Variants in PUM1 observed in about 807,000 individuals in gnomAD.
The protein encoded by PUM1 is pumilio homolog 1.
Under a neutral mutation model 131.8 loss-of-function variants are expected in PUM1, and 13 were observed. The observed-to-expected ratio is 0.10, with a 90% confidence interval of 0.06 to 0.16. The LOEUF (loss-of-function observed/expected upper bound fraction) is 0.16. Among genes scored for constraint, PUM1 ranks in the 10% least tolerant of loss-of-function variants. The pLI is 1.00. For synonymous variants in PUM1, 509 were observed against 556.5 expected (o/e 0.91, Z 1.20); for missense variants, 961 against 1,512.4 (o/e 0.64, Z 6.05).
At chr1:31,064,000 A>AT (rs34390845) in intron 1 of PUM1, among the ~76,000 whole-genome samples, 31 of 152,262 alleles carry the variant, frequency 2.0e-4, no homozygotes, top group African/African-American at 4.8e-4. Context: ...TTAAAATGTG[A>AT]TTTTTTTACA....
At chr1:31,056,235 C>A (rs1005244263) in intron 2 of PUM1, among the ~76,000 whole-genome samples, 1 of 152,162 alleles carries the variant, frequency 6.6e-6, no homozygotes, top group African/African-American at 2.4e-5. Flanking sequence ...CTAATTCAAT[C>A]ACCAAATTCT....
At chr1:30,960,796 A>G (rs893986088) in intron 14 of PUM1, among the ~76,000 whole-genome samples, 3 of 152,154 alleles carry the variant, frequency 2.0e-5, no homozygotes, top group African/African-American at 7.2e-5. Context: ...AATTAACTCA[A>G]AATGGATCAC....
chr1:30,942,515 C>T (rs973153315), intron 18 of PUM1, among the ~76,000 whole-genome samples: 1 of 151,926 alleles, frequency 6.6e-6, no homozygotes, highest in Non-Finnish European at 1.5e-5. Flanking sequence ...GGGACCAAAT[C>T]CTGAATGCTT....
chr1:31,040,510 GAAACTGCAC>G (rs1643781393), intron 2 of PUM1, among the ~76,000 whole-genome samples: 1 of 152,190 alleles, frequency 6.6e-6, no homozygotes, highest in Non-Finnish European at 1.5e-5. Flanking sequence ...AGTATGCTGA[GAAACTGCAC>G]AAACTATAAA....
At chr1:30,933,439 T>TACACAC (rs58664754) in intron 21 of PUM1, 97 bp from the exon 22 acceptor site, 4,484 of 363,316 alleles carry the variant, frequency 0.012, 43 homozygotes, top group South Asian at 0.016. Flanking sequence ...CACACACACA[T>TACACAC]ACACACACAC....
intron 3 of PUM1, among the ~76,000 whole-genome samples, chr1:31,014,859 T>C (rs1570274820): frequency 6.6e-6 from 1 of 151,510 alleles, no homozygotes; most frequent in African/African-American, 2.4e-5. Flanking sequence ...GTGGGCCTGG[T>C]GCAGTGGCCC....
intron 18 of PUM1, among the ~76,000 whole-genome samples, chr1:30,944,562 T>C (rs1639590885): frequency 6.6e-6 from 1 of 152,238 alleles, no homozygotes; most frequent in Non-Finnish European, 1.5e-5. Flanking sequence ...AAGTTATCTC[T>C]GGTTATTTGG....
chr1:31,003,957 G>A (rs959356901), intron 5 of PUM1, among the ~76,000 whole-genome samples: 3 of 152,146 alleles, frequency 2.0e-5, no homozygotes, highest in African/African-American at 7.2e-5. Flanking sequence ...CAGATTTGGA[G>A]AATTTTCATT....
At chr1:30,942,451 G>A (rs1485539753) in intron 18 of PUM1, among the ~76,000 whole-genome samples, 2 of 151,760 alleles carry the variant, frequency 1.3e-5, no homozygotes, top group Non-Finnish European at 2.9e-5. Context: ...AGTCAAGTGT[G>A]TCAACTGACA....
chr1:31,043,671 C>T (rs538815875), intron 2 of PUM1, among the ~76,000 whole-genome samples: 20 of 152,252 alleles, frequency 1.3e-4, no homozygotes, highest in Non-Finnish European at 2.5e-4. Context: ...AAAGAGTTTA[C>T]GGAGCTCACT....
rs970876022 is a variant in PUM1, at chr1:30,941,291, G to C, written c.3121-19C>G. On this transcript the variant is annotated intron_variant, in intron 19 of 21. Transcript: ENST00000426105. ...ATTGATCCTGTTTGAGAAACAGTAA[G>C]AGAAATAAAATGTATGTGAAAGCCA... The C allele has an allele frequency of 8.1e-6, 13 of 1,604,218 alleles. No homozygotes were observed. Among genetic ancestry groups the C allele is most frequent in the African/African-American group, 1.3e-5 (1 of 74,846 alleles).
In PUM1 at chr1:30,952,449, C is replaced by T. The variant is rs533576526; in HGVS notation, c.2592-86G>A. 22 of 1,587,746 alleles carry T rather than the reference C, an allele frequency of 1.4e-5. No individual in the cohort carries two copies. In the Admixed American group the frequency reaches 3.3e-4, roughly 24 times the overall value. ...TGTACCTCGGTTTATAGACTGCATCCGTTCTGAAACATGTGAGTGAGCATG... is the reference window on the plus strand; with the variant it reads ...TGTACCTCGGTTTATAGACTGCATCTGTTCTGAAACATGTGAGTGAGCATG... On this transcript the variant is annotated intron_variant, in intron 15 of 21. Coordinates refer to ENST00000426105, the MANE Select transcript of PUM1 (RefSeq NM_001020658.2).
intron 17 of PUM1, among the ~76,000 whole-genome samples, chr1:30,948,734 A>G (rs915160266): frequency 1.3e-5 from 2 of 152,220 alleles, no homozygotes; most frequent in East Asian, 1.9e-4. Flanking sequence ...TGGGTGACAG[A>G]GTGAGACCTT....
chr1:30,958,397 A>C (rs1277414999), intron 14 of PUM1, among the ~76,000 whole-genome samples: 2 of 152,314 alleles, frequency 1.3e-5, no homozygotes, highest in East Asian at 1.9e-4. Flanking sequence ...TTCTGAAGTA[A>C]TGAACAACCA....
chr1:30,946,752 A>T (rs1382394953), intron 17 of PUM1, among the ~76,000 whole-genome samples: 1 of 151,882 alleles, frequency 6.6e-6, no homozygotes, highest in Non-Finnish European at 1.5e-5. Flanking sequence ...CTATTTGCAC[A>T]CTGTATTAAA....
chr1:31,018,703 G>A (rs4607940), intron 3 of PUM1, among the ~76,000 whole-genome samples: 100,849 of 151,968 alleles, frequency 0.66, 34,386 homozygotes, highest in East Asian at 0.87. Context: ...ATAAATTTCA[G>A]AAGAGTCATT....
intron 14 of PUM1, among the ~76,000 whole-genome samples, chr1:30,956,456 G>T (rs1193027738): frequency 2.0e-5 from 3 of 152,012 alleles, no homozygotes; most frequent in African/African-American, 7.3e-5. Context: ...TAGAGATGGG[G>T]TTTCACCATG....
intron 10 of PUM1, among the ~76,000 whole-genome samples, chr1:30,970,837 C>T (rs1241894180): frequency 1.3e-5 from 2 of 152,136 alleles, no homozygotes; most frequent in Non-Finnish European, 2.9e-5. Context: ...GAAAGCATTG[C>T]TTTCACAGAA....
chr1:30,935,730 C>T (rs1322592823), intron 21 of PUM1: 2 of 447,404 alleles, frequency 4.5e-6, no homozygotes, highest in Non-Finnish European at 9.0e-6. Flanking sequence ...TTCTCATTAC[C>T]GAACTTTGTT....
Sources: gnomAD v4.1 joint callset for allele counts (sites outside exome capture counted in the v4.1 genomes callset) on GRCh38, gnomAD v4.1.1 for gene constraint, MANE v1.5 for transcripts, NCBI Gene and HGNC (gene_info 2026-07-23, HGNC 2026-07-21) for gene names.